Variants in EXOC4 observed in about 807,000 individuals in gnomAD.
EXOC4 encodes the protein exocyst complex component 4, also known as SEC8-like 1.
EXOC4 carries 71 observed loss-of-function variants against 107.2 expected under a neutral mutation model. The ratio of observed to expected loss-of-function variants is 0.66; its 90% CI spans 0.55 to 0.81. EXOC4 has a LOEUF of 0.81. Ranked by LOEUF, EXOC4 falls within the 30% of genes least tolerant of loss-of-function variation. EXOC4 has a pLI of 0.00. For missense variants in EXOC4, 1,108 were observed against 1,189.6 expected (o/e 0.93, Z 1.01); for synonymous variants, 456 against 441.2 (o/e 1.03, Z -0.42).
At chr7:133,626,468 A>G (rs889545874) in intron 9 of EXOC4, among the ~76,000 whole-genome samples, 2 of 152,210 alleles carry the variant, frequency 1.3e-5, no homozygotes, top group African/African-American at 4.8e-5. Flanking sequence ...TTCAAGAGGA[A>G]ATCGTGACAA....
chr7:133,802,634 G>A (rs186378181), intron 10 of EXOC4, among the ~76,000 whole-genome samples: 3 of 152,060 alleles, frequency 2.0e-5, no homozygotes, highest in East Asian at 3.9e-4. Context: ...TGAGGCAGGC[G>A]GATCACCCAA....
At chr7:133,998,982 T>C (rs187482069) in intron 15 of EXOC4, among the ~76,000 whole-genome samples, 4 of 152,028 alleles carry the variant, frequency 2.6e-5, no homozygotes, top group African/African-American at 7.2e-5. Flanking sequence ...AACCACTAGT[T>C]TGGGGCCAGA....
At chr7:133,292,064 G>GC (rs1794418587) in intron 3 of EXOC4, among the ~76,000 whole-genome samples, 1 of 152,160 alleles carries the variant, frequency 6.6e-6, no homozygotes, top group African/African-American at 2.4e-5. Context: ...TGTCTTTGTG[G>GC]CCAGGCATGG....
At chr7:133,953,666 G>T (rs140544499) in intron 14 of EXOC4, among the ~76,000 whole-genome samples, 3 of 151,604 alleles carry the variant, frequency 2.0e-5, no homozygotes, top group Non-Finnish European at 4.4e-5. Context: ...GAAAAGAAAA[G>T]AAAAAAATGT....
intron 9 of EXOC4, among the ~76,000 whole-genome samples, chr7:133,494,951 T>G (rs1799443194): frequency 6.6e-6 from 1 of 152,124 alleles, no homozygotes; most frequent in Admixed American, 6.6e-5. Context: ...TATAATACTT[T>G]TAGAAGTAAT....
chr7:134,082,755 A>G, the EXOC4 span, among the ~76,000 whole-genome samples: 1 of 152,172 alleles, frequency 6.6e-6, no homozygotes, highest in African/African-American at 2.4e-5. Context: ...AACCTGTTTT[A>G]TCAGCAAGCT....
In EXOC4 at chr7:134,025,496, C is replaced by T. The variant is rs73156984; in HGVS notation, c.2687+17661C>T. Among the ~76,000 whole-genome samples the T allele has an allele frequency of 2.5e-3, 375 of 152,212 alleles. 1 individual carries two copies. Among genetic ancestry groups the T allele is most frequent in the Non-Finnish European group, 4.2e-3 (288 of 68,016 alleles). On this transcript the variant is annotated intron_variant, in intron 17 of 17. Coordinates refer to ENST00000253861, the MANE Select transcript of EXOC4 (RefSeq NM_021807.4). Reference sequence around the variant, plus strand: ...CTTAGTTGAGCAGATTGACTGGGGCCCAGCTGTAAGGTTCTTCTCTGGACT... The same window carrying T: ...CTTAGTTGAGCAGATTGACTGGGGCTCAGCTGTAAGGTTCTTCTCTGGACT...
intron 7 of EXOC4, among the ~76,000 whole-genome samples, chr7:133,465,715 C>CA (rs569714910): frequency 1.2e-4 from 18 of 151,928 alleles, no homozygotes; most frequent in African/African-American, 4.1e-4. Flanking sequence ...CAGAATTAAA[C>CA]AAAAAAAGGG....
At chr7:133,332,568 TC>T (rs767474995) in intron 5 of EXOC4, among the ~76,000 whole-genome samples, 6 of 152,304 alleles carry the variant, frequency 3.9e-5, no homozygotes, top group Admixed American at 1.3e-4. Flanking sequence ...TGAGGTGAGA[TC>T]TTGTATCTAC....
At chr7:133,581,991 T>C (rs1057460215) in intron 9 of EXOC4, among the ~76,000 whole-genome samples, 2 of 152,030 alleles carry the variant, frequency 1.3e-5, no homozygotes, top group Non-Finnish European at 2.9e-5. Context: ...TCCGTCACTA[T>C]CATGAGAACA....
chr7:133,784,838 G>C (rs1236243264), intron 10 of EXOC4, among the ~76,000 whole-genome samples: 1 of 152,060 alleles, frequency 6.6e-6, no homozygotes, highest in African/African-American at 2.4e-5. Context: ...CTGCACTCAG[G>C]CTAAAGTTTA....
At chr7:133,980,383 G>A (rs534650369) in intron 14 of EXOC4, among the ~76,000 whole-genome samples, 3 of 152,328 alleles carry the variant, frequency 2.0e-5, no homozygotes, top group East Asian at 1.9e-4. Context: ...ACTGTGTGCC[G>A]AAGGTTGTTC....
chr7:133,804,948 G>A (rs112295126), intron 10 of EXOC4, among the ~76,000 whole-genome samples: 111 of 152,108 alleles, frequency 7.3e-4, no homozygotes, highest in African/African-American at 2.6e-3. Context: ...GCTTTAAGAA[G>A]GACTAGCCTT....
chr7:134,049,046 T>C (rs1421031391), intron 17 of EXOC4, among the ~76,000 whole-genome samples: 1 of 152,200 alleles, frequency 6.6e-6, no homozygotes, highest in Non-Finnish European at 1.5e-5. Flanking sequence ...CCAGGGTGTA[T>C]GTAAACTGAA....
chr7:133,650,945 T>TTTTTTG (rs1803133140), intron 10 of EXOC4, among the ~76,000 whole-genome samples: 3 of 74,378 alleles, frequency 4.0e-5, no homozygotes, highest in Non-Finnish European at 8.1e-5. Flanking sequence ...CAGTTTTTTT[T>TTTTTTG]TTTTTTTTTT....
At chr7:133,734,968 T>G (rs1418426653) in intron 10 of EXOC4, among the ~76,000 whole-genome samples, 1 of 149,814 alleles carries the variant, frequency 6.7e-6, no homozygotes, top group Non-Finnish European at 1.5e-5. Context: ...CCCAGCACTT[T>G]GGGAGGCTGA....
intron 14 of EXOC4, among the ~76,000 whole-genome samples, chr7:133,939,968 T>C (rs1230081699): frequency 1.3e-5 from 2 of 152,226 alleles, no homozygotes; most frequent in Admixed American, 1.3e-4. Context: ...AATGAGCAGC[T>C]CTAAAAAAGG....
At chr7:133,651,172 C>G (rs1190555493) in intron 10 of EXOC4, among the ~76,000 whole-genome samples, 1 of 152,026 alleles carries the variant, frequency 6.6e-6, no homozygotes, top group African/African-American at 2.4e-5. Context: ...TCTACTCACT[C>G]CCAGCATTTG....
intron 14 of EXOC4, among the ~76,000 whole-genome samples, chr7:133,976,692 A>G (rs576641581): frequency 6.6e-6 from 1 of 152,346 alleles, no homozygotes; most frequent in East Asian, 1.9e-4. Context: ...AAACACGGGC[A>G]CTATGCATAT....
Sources: gnomAD v4.1 joint callset for allele counts (sites outside exome capture counted in the v4.1 genomes callset) on GRCh38, gnomAD v4.1.1 for gene constraint, MANE v1.5 for transcripts, NCBI Gene and HGNC (gene_info 2026-07-23, HGNC 2026-07-21) for gene names.